The following MCM3AP variants were observed in gnomAD, a reference collection of about 807,000 sequenced individuals.
The protein encoded by MCM3AP is germinal-center associated nuclear protein.
A neutral mutation model predicts 184.1 loss-of-function variants in MCM3AP; 126 were observed. The observed-to-expected ratio is 0.68, with a 90% CI of 0.59 to 0.79. The LOEUF (loss-of-function observed/expected upper bound fraction) is 0.79, where lower values mean the gene tolerates loss of function less well. Ranked by LOEUF, MCM3AP falls within the 30% of genes least tolerant of loss-of-function variation. The probability of loss-of-function intolerance (pLI) is 0.00; values close to 1 mark genes in which losing one functional copy is unlikely to be tolerated. For missense variants in MCM3AP, 2,496 were observed against 2,479.2 expected, an observed-to-expected ratio of 1.01 and a Z score of -0.14; for synonymous variants, 1,002 against 979.3, an observed-to-expected ratio of 1.02 and a Z score of -0.43.
intron 17 of MCM3AP, 72 bp from the exon 18 acceptor site, chr21:46,254,916 G>T: frequency 9.3e-7 from 1 of 1,074,828 alleles, no homozygotes; most frequent in Non-Finnish European, 1.4e-6. Context: ...GTCCCCTGGG[G>T]AATACTCAGG....
In MCM3AP at chr21:46,239,771, C is replaced by T. The variant is rs558767299; in HGVS notation, c.5633+1040G>A. On this transcript the variant is annotated intron_variant, in intron 26 of 27. Transcript: ENST00000291688. ...GAAATTTCTGAGGAGTAGGTACAGA[C>T]GATGCAGAGGAGAGGTTGAGAGAAT... 6.6e-5 allele frequency among the ~76,000 whole-genome samples: 10 copies of T among 151,858 alleles called. No homozygotes were observed. The East Asian group carries it at 9.7e-4, about 15-fold the overall frequency.
chr21:46,282,646 T>C (rs981240191), intron 2 of MCM3AP, among the ~76,000 whole-genome samples: 1 of 151,434 alleles, frequency 6.6e-6, no homozygotes, highest in African/African-American at 2.4e-5. Context: ...CTACTAAAAA[T>C]ACAAAAAAAT....
chr21:46,240,124 G>C (rs939367279), intron 26 of MCM3AP, among the ~76,000 whole-genome samples: 1 of 152,116 alleles, frequency 6.6e-6, no homozygotes, highest in Non-Finnish European at 1.5e-5. Context: ...GTGGTAGCAC[G>C]AGAGAGATAC....
intron 13 of MCM3AP, among the ~76,000 whole-genome samples, chr21:46,263,080 A>T (rs1022491942): frequency 6.6e-6 from 1 of 151,642 alleles, no homozygotes; most frequent in Non-Finnish European, 1.5e-5. Context: ...CTGTAATCCC[A>T]GCAGTTTAGG....
chr21:46,264,853 C>T (rs916421660), intron 12 of MCM3AP, among the ~76,000 whole-genome samples: 1 of 152,134 alleles, frequency 6.6e-6, no homozygotes, highest in African/African-American at 2.4e-5. Context: ...TCCCAGGTCA[C>T]ACCCATCAGT....
At chr21:46,280,411 G>A in intron 3 of MCM3AP, 86 bp downstream of exon 3, 2 of 1,041,132 alleles carry the variant, frequency 1.9e-6, no homozygotes, top group South Asian at 1.5e-5. Flanking sequence ...CCCAAGATCA[G>A]ACTGGGCAAC....
chr21:46,259,651 G>A (rs1768540666), intron 15 of MCM3AP, among the ~76,000 whole-genome samples: 1 of 151,880 alleles, frequency 6.6e-6, no homozygotes, highest in Non-Finnish European at 1.5e-5. Context: ...GGTGGCTCAT[G>A]CCTGTAATCC....
intron 16 of MCM3AP, among the ~76,000 whole-genome samples, chr21:46,258,309 A>G (rs896778089): frequency 2.0e-5 from 3 of 152,228 alleles, no homozygotes; most frequent in African/African-American, 7.2e-5. Context: ...ATCATACAAC[A>G]TACGTAACAC....
chr21:46,260,827 C>T lies in MCM3AP; in HGVS notation c.3547G>A (p.Glu1183Lys). ...AVELMERVMM[E>K]FVRETCSQEL... ...TGGGAGCAGGTTTCCCTCACAAACTCCATCATCACGCGTTCCATCAGCTCC... is the reference window on the plus strand; with the variant it reads ...TGGGAGCAGGTTTCCCTCACAAACTTCATCATCACGCGTTCCATCAGCTCC... Residue 1183 changes from glutamate (E) to lysine (K), a missense_variant, in exon 15 of 28, where the codon GAG becomes AAG. Transcript: ENST00000291688. 6.2e-7 allele frequency: 1 copy of T among 1,614,158 alleles called. No homozygotes were observed. The highest frequency in any genetic ancestry group is 1.3e-5 in the African/African-American group (1 of 75,040).
chr21:46,265,864 G>A, intron 11 of MCM3AP, 61 bp downstream of exon 11: 2 of 1,501,114 alleles, frequency 1.3e-6, no homozygotes, highest in Non-Finnish European at 1.8e-6. Flanking sequence ...CCAGGCTCCT[G>A]GGAGGCGTTC....
In MCM3AP at chr21:46,246,744, G is replaced by T. The variant is rs577611955; in HGVS notation, c.4433C>A (p.Ser1478Ter). 1 of 1,614,210 alleles carries T rather than the reference G, an allele frequency of 6.2e-7. No individual in the cohort carries two copies. The highest frequency in any genetic ancestry group is 8.5e-7 in the Non-Finnish European group (1 of 1,180,040). The change falls in exon 21 of 28, where the codon TCG becomes TAG. Residue 1478 changes from serine to a stop codon, truncating the protein, a stop_gained. Coordinates refer to ENST00000291688, the MANE Select transcript of MCM3AP (RefSeq NM_003906.5). LOFTEE classifies it high-confidence loss of function. ...GAGCTGCTTGAGCTGCAGCAAGGCCGACAGCCAGTACACGTCCTCCTCTGC... is the reference window on the plus strand; with the variant it reads ...GAGCTGCTTGAGCTGCAGCAAGGCCTACAGCCAGTACACGTCCTCCTCTGC... Reference protein sequence around the residue: ...DMAEEDVYWLSALLQLKQLLQ... With the variant: ...DMAEEDVYWL
At chr21:46,235,892 C>T (rs1261584847) in intron 27 of MCM3AP, among the ~76,000 whole-genome samples, 1 of 152,146 alleles carries the variant, frequency 6.6e-6, no homozygotes, top group Non-Finnish European at 1.5e-5. Flanking sequence ...ATCAGCCTCC[C>T]AAAGTGCTGG....
chr21:46,254,537 C>A lies in MCM3AP; in HGVS notation c.4002-11G>T, dbSNP rs373206300. The A allele has an allele frequency of 1.2e-6, 2 of 1,613,802 alleles. No homozygotes were observed. The highest frequency in any genetic ancestry group is 1.7e-6 in the Non-Finnish European group (2 of 1,180,030). ...GCCCATGCCACATCACTGGGAGGAA[C>A]AGACCACCGTGGATTAGCCAGTGTG... On this transcript the variant is annotated splice_polypyrimidine_tract_variant and intron_variant, in intron 18 of 27. Transcript: ENST00000291688.
Position 46,283,667 on chromosome 21 carries a change from C to T in MCM3AP, c.1391G>A (p.Arg464His), listed in dbSNP as rs139188881. Residue 464 changes from arginine (R) to histidine (H), a missense_variant, in exon 2 of 28, where the codon CGC becomes CAC. Arg to His is a conservative substitution (Grantham distance 29). This residue lies in a region of MCM3AP where 800 missense variants were observed against 717.1 expected (regional missense o/e 1.12). Coordinates refer to ENST00000291688, the MANE Select transcript of MCM3AP (RefSeq NM_003906.5). ...NHFGKIAKVQ[R>H]IFTRRSKKLA... ...CTTTTTGCTGCGCCTGGTAAAGATG[C>T]GCTGCACTTTAGCAATTTTGCCAAA... 13 of 1,614,044 alleles carry T rather than the reference C, an allele frequency of 8.1e-6. No individual in the cohort carries two copies. Among genetic ancestry groups the T allele is most frequent in the South Asian group, 2.2e-5 (2 of 91,076 alleles).
At chr21:46,267,248 T>C in intron 9 of MCM3AP, 106 bp from the exon 10 acceptor site, 1 of 1,097,106 alleles carries the variant, frequency 9.1e-7, no homozygotes, top group Non-Finnish European at 1.3e-6. Context: ...CATGGGCTCC[T>C]CCTGGGCTGA....
intron 5 of MCM3AP, 145 bp downstream of exon 5, chr21:46,277,382 G>C (rs1165524596): frequency 1.8e-6 from 1 of 540,998 alleles, no homozygotes; most frequent in Admixed American, 3.4e-5. Context: ...AAGACAGGCA[G>C]ACTATGAAGA....
At chr21:46,279,538 G>T (rs1231981758) in intron 4 of MCM3AP, among the ~76,000 whole-genome samples, 1 of 152,252 alleles carries the variant, frequency 6.6e-6, no homozygotes, top group Non-Finnish European at 1.5e-5. Context: ...TCCTAAGTGA[G>T]CAGCCTCCCC....
At position 46,257,499 on chromosome 21, in the gene MCM3AP, AG is replaced by A. The variant is rs1190207332; in HGVS notation, c.3735-514del. Among the ~76,000 whole-genome samples the A allele has an allele frequency of 3.9e-4, 57 of 144,420 alleles. 1 individual carries two copies. The highest frequency in any genetic ancestry group is 1.2e-3 in the African/African-American group (47 of 38,940). 94.7% of individuals were successfully genotyped at this position (144,420 alleles called of 152,430 possible). ...CAAAAAAAAAAAAAAAAAAAAAAAA[AG>A]ATACATATATCCCTTGACCCACAGC... On this transcript the variant is annotated intron_variant, in intron 16 of 27. Coordinates refer to ENST00000291688, the MANE Select transcript of MCM3AP (RefSeq NM_003906.5).
chr21:46,243,898 G>C (rs2123823789), intron 23 of MCM3AP, 176 bp from the exon 24 acceptor site: 1 of 639,868 alleles, frequency 1.6e-6, no homozygotes, highest in Middle Eastern at 4.2e-4. Flanking sequence ...CTAGGTGAGG[G>C]ATGCAGACAG....
Sources: allele counts gnomAD v4.1 joint callset (sites outside exome capture counted in the v4.1 genomes callset), GRCh38; gene constraint gnomAD v4.1.1; regional missense constraint gnomAD v4.1.1; transcripts MANE v1.5; gene names NCBI Gene and HGNC (gene_info 2026-07-23, HGNC 2026-07-21).